Variants in KDM2A observed in about 807,000 individuals in gnomAD.
The protein encoded by KDM2A is lysine demethylase 2A, also known as lysine-specific demethylase 2A.
A neutral mutation model predicts 137.3 loss-of-function variants in KDM2A; 3 were observed. That is an observed-to-expected ratio of 0.02 (90% CI 0.01 to 0.06). KDM2A has a LOEUF of 0.06. KDM2A is among the 10% of genes least tolerant of loss of function. The pLI, the probability that KDM2A is intolerant of heterozygous loss-of-function variation, is 1.00. For missense variants in KDM2A, 738 were observed against 1,510.6 expected, an observed-to-expected ratio of 0.49 and a Z score of 8.48; for synonymous variants, 512 against 541.5, an observed-to-expected ratio of 0.95 and a Z score of 0.76.
chr11:67,164,961 T>C (rs1329044558), intron 2 of KDM2A, among the ~76,000 whole-genome samples: 2 of 152,006 alleles, frequency 1.3e-5, no homozygotes, highest in Admixed American at 1.3e-4. Flanking sequence ...TCTTAGGTAA[T>C]TTCAGCGATG....
intron 5 of KDM2A, among the ~76,000 whole-genome samples, chr11:67,192,471 C>T (rs1857381746): frequency 1.1e-5 from 1 of 90,822 alleles, no homozygotes; most frequent in Admixed American, 1.7e-4. Flanking sequence ...TGAGATGGAG[C>T]ATCTCTCTTG....
chr11:67,130,656 C>T (rs1351132284), intron 2 of KDM2A, among the ~76,000 whole-genome samples: 1 of 152,164 alleles, frequency 6.6e-6, no homozygotes, highest in East Asian at 1.9e-4. Context: ...GTAACGGACA[C>T]TCTTAATTAG....
intron 8 of KDM2A, among the ~76,000 whole-genome samples, chr11:67,216,860 C>T (rs1355677337): frequency 1.5e-4 from 23 of 151,760 alleles, no homozygotes; most frequent in East Asian, 3.9e-4. Flanking sequence ...GTGGAGGTTG[C>T]GGTGAGCTGA....
At chr11:67,225,806 T>C (rs1427718507) in intron 10 of KDM2A, among the ~76,000 whole-genome samples, 1 of 151,814 alleles carries the variant, frequency 6.6e-6, no homozygotes, top group East Asian at 2.0e-4. Context: ...GGCTCATGCC[T>C]GTAATCCCAG....
chr11:67,244,932 G>A (rs951811620), intron 13 of KDM2A: 1 of 395,688 alleles, frequency 2.5e-6, no homozygotes, highest in African/African-American at 2.1e-5. Flanking sequence ...CTTGCAGTGA[G>A]CCGAGATCAT....
intron 5 of KDM2A, among the ~76,000 whole-genome samples, chr11:67,198,759 G>GTTTGTTTTGT (rs71056183): frequency 0.024 from 3,508 of 149,272 alleles, 116 homozygotes; most frequent in African/African-American, 0.073. Context: ...GTGATCAGTA[G>GTTTGTTTTGT]TTTGTTTTGT....
chr11:67,130,889 G>A (rs1227046227), intron 2 of KDM2A, among the ~76,000 whole-genome samples: 2 of 149,630 alleles, frequency 1.3e-5, no homozygotes, highest in African/African-American at 2.5e-5. Flanking sequence ...TAATTATGGA[G>A]AGAGAGGCCC....
At chr11:67,185,141 A>G (rs1277233258) in intron 5 of KDM2A, among the ~76,000 whole-genome samples, 1 of 152,216 alleles carries the variant, frequency 6.6e-6, no homozygotes, top group Non-Finnish European at 1.5e-5. Flanking sequence ...AACAAAATGG[A>G]AATATCAATA....
At chr11:67,170,485 T>G (rs1287456423) in intron 2 of KDM2A, among the ~76,000 whole-genome samples, 1 of 142,602 alleles carries the variant, frequency 7.0e-6, no homozygotes, top group Non-Finnish European at 1.5e-5. Flanking sequence ...CGATCTCAGC[T>G]CACTGCAAGC....
chr11:67,204,402 G>C (rs1428243056), intron 5 of KDM2A, among the ~76,000 whole-genome samples: 1 of 151,876 alleles, frequency 6.6e-6, no homozygotes, highest in Non-Finnish European at 1.5e-5. Flanking sequence ...CTGTCTTGGT[G>C]AATTTGTCTA....
chr11:67,185,538 G>A (rs1386310301), intron 5 of KDM2A, among the ~76,000 whole-genome samples: 1 of 151,782 alleles, frequency 6.6e-6, no homozygotes, highest in African/African-American at 2.4e-5. Context: ...GCTCAGGTAG[G>A]AGAATTTATT....
At chr11:67,240,169 TGGGTAGTC>T in intron 12 of KDM2A, 1 of 1,500,422 alleles carries the variant, frequency 6.7e-7, no homozygotes, top group Non-Finnish European at 8.9e-7. Flanking sequence ...CTGCTCCCTC[TGGGTAGTC>T]TGAAGGGTCA....
At chr11:67,181,582 T>G (rs1857091963) in intron 4 of KDM2A, among the ~76,000 whole-genome samples, 184 bp downstream of exon 4, 1 of 149,674 alleles carries the variant, frequency 6.7e-6, no homozygotes, top group Admixed American at 6.6e-5. Context: ...AATGAGAAAA[T>G]ATAGATGAAC....
intron 6 of KDM2A, among the ~76,000 whole-genome samples, chr11:67,209,261 A>G (rs904155368): frequency 6.6e-6 from 1 of 151,830 alleles, no homozygotes; most frequent in Non-Finnish European, 1.5e-5. Context: ...ATTAGTAATC[A>G]TGTTTATTTG....
At position 67,255,251 on chromosome 11, in the gene KDM2A, T is replaced by G; in HGVS notation, c.*196T>G. The G allele has an allele frequency of 1.7e-6, 1 of 596,884 alleles. No homozygotes were observed. The highest frequency in any genetic ancestry group is 3.0e-6 in the Non-Finnish European group (1 of 335,412). The allele number at this position is 596,884 out of a possible 1,614,324, so 37.0% of individuals were successfully genotyped here. On this transcript the variant is annotated 3_prime_UTR_variant, in exon 21 of 21. Coordinates refer to ENST00000529006, the MANE Select transcript of KDM2A (RefSeq NM_012308.3). The stretch of plus-strand genomic sequence containing the variant: ...AGGCTTATCTGCCTGCTCCTCTCCC[T>G]CCTAAGGAAAAGGGAGTAGCAGATT...
chr11:67,152,521 T>A (rs959048771), intron 2 of KDM2A, among the ~76,000 whole-genome samples: 5 of 151,908 alleles, frequency 3.3e-5, no homozygotes, highest in Non-Finnish European at 5.9e-5. Flanking sequence ...GGTGGGAGGA[T>A]CGCTTGAGCC....
intron 12 of KDM2A, among the ~76,000 whole-genome samples, chr11:67,233,396 G>A (rs1466438243): frequency 7.0e-6 from 1 of 142,950 alleles, no homozygotes; most frequent in Non-Finnish European, 1.5e-5. Flanking sequence ...TCTCATGCCT[G>A]TAATCCCAGC....
intron 2 of KDM2A, among the ~76,000 whole-genome samples, chr11:67,137,568 A>AT (rs747814662): frequency 6.6e-6 from 1 of 152,168 alleles, no homozygotes; most frequent in Non-Finnish European, 1.5e-5. Context: ...GGAGGTAAAT[A>AT]TAAGTATGAC....
intron 6 of KDM2A, among the ~76,000 whole-genome samples, chr11:67,211,492 T>G (rs1857981106): frequency 6.6e-6 from 1 of 151,358 alleles, no homozygotes; most frequent in Admixed American, 6.6e-5. Context: ...TGCACACCCG[T>G]GATCCCAGCT....
Sources: gnomAD v4.1 joint callset for allele counts (sites outside exome capture counted in the v4.1 genomes callset) on GRCh38, gnomAD v4.1.1 for gene constraint, MANE v1.5 for transcripts, NCBI Gene and HGNC (gene_info 2026-07-23, HGNC 2026-07-21) for gene names.